FAM78B: variants seen among roughly 807,000 people sequenced by gnomAD.
FAM78B encodes protein FAM78B.
In FAM78B, 10 loss-of-function variants were observed where a neutral mutation model predicts 20.0. The observed-to-expected ratio is 0.50, with a 90% CI of 0.31 to 0.85. The LOEUF is 0.85. FAM78B is among the 40% of genes least tolerant of loss of function. The pLI, the probability that FAM78B is intolerant of heterozygous loss-of-function variation, is 0.05. For synonymous variants in FAM78B, 135 were observed against 132.8 expected (o/e 1.02, Z -0.12); for missense variants, 283 against 345.0 (o/e 0.82, Z 1.42).
At chr1:166,082,465 A>C (rs956121511) in intron 1 of FAM78B, 3 of 152,084 alleles carry the variant, frequency 2.0e-5, no homozygotes, top group Admixed American at 6.5e-5. Context: ...CTCAACCCCC[A>C]CAGAGTGTTG....
intron 1 of FAM78B, among the ~76,000 whole-genome samples, chr1:166,132,863 A>T (rs1246831924): frequency 6.6e-6 from 1 of 152,230 alleles, no homozygotes; most frequent in East Asian, 1.9e-4. Flanking sequence ...TGAGTGTGAC[A>T]AAACTGCTTC....
chr1:166,110,962 C>A (rs1056678883), intron 1 of FAM78B, among the ~76,000 whole-genome samples: 3 of 152,120 alleles, frequency 2.0e-5, no homozygotes, highest in Non-Finnish European at 2.9e-5. Context: ...CCTGAAATGT[C>A]CCTGCTGGGC....
chr1:166,086,553 T>A (rs1420232036), intron 1 of FAM78B, among the ~76,000 whole-genome samples: 3 of 152,126 alleles, frequency 2.0e-5, no homozygotes, highest in Non-Finnish European at 4.4e-5. Flanking sequence ...AGGCTGAGGA[T>A]GGAGTGCTCT....
At chr1:166,121,518 A>G (rs1169084603) in intron 1 of FAM78B, among the ~76,000 whole-genome samples, 1 of 152,192 alleles carries the variant, frequency 6.6e-6, no homozygotes, top group Non-Finnish European at 1.5e-5. Flanking sequence ...GGCCCTTCAG[A>G]GCTCCATACC....
intron 1 of FAM78B, among the ~76,000 whole-genome samples, chr1:166,109,224 C>A (rs1653900926): frequency 6.6e-6 from 1 of 152,118 alleles, no homozygotes; most frequent in Non-Finnish European, 1.5e-5. Context: ...AAACAGACAA[C>A]CCACAGAGTG....
intron 1 of FAM78B, among the ~76,000 whole-genome samples, chr1:166,138,264 T>C (rs538950626): frequency 6.2e-4 from 95 of 152,236 alleles, no homozygotes; most frequent in Admixed American, 1.2e-3. Flanking sequence ...CCAACTCTCC[T>C]GTTCTCTGTC....
chr1:166,065,189 C>T (rs1301153393), downstream of FAM78B, among the ~76,000 whole-genome samples: 1 of 152,164 alleles, frequency 6.6e-6, no homozygotes, highest in Non-Finnish European at 1.5e-5. Flanking sequence ...CTGCATTTAA[C>T]CAGGGAGAGA....
intron 1 of FAM78B, among the ~76,000 whole-genome samples, chr1:166,125,594 C>T (rs977147623): frequency 2.0e-5 from 3 of 152,156 alleles, no homozygotes; most frequent in Non-Finnish European, 4.4e-5. Flanking sequence ...TTGTTCCTCT[C>T]TGTCTGTGGT....
chr1:166,073,477 G>A (rs1480287136), intron 1 of FAM78B, among the ~76,000 whole-genome samples: 1 of 151,276 alleles, frequency 6.6e-6, no homozygotes, highest in Non-Finnish European at 1.5e-5. Flanking sequence ...ACACCCCAAG[G>A]CAGTGACCTT....
At chr1:166,117,066 T>C (rs1264286954) in intron 1 of FAM78B, among the ~76,000 whole-genome samples, 3 of 152,228 alleles carry the variant, frequency 2.0e-5, no homozygotes, top group Non-Finnish European at 2.9e-5. Flanking sequence ...TTGACAACTA[T>C]ATCCTCATAT....
intron 1 of FAM78B, among the ~76,000 whole-genome samples, chr1:166,164,121 T>C (rs1244957642): frequency 6.6e-6 from 1 of 152,260 alleles, no homozygotes; most frequent in Non-Finnish European, 1.5e-5. Flanking sequence ...TCTGTATTTA[T>C]ATATTTGCTT....
intron 1 of FAM78B, among the ~76,000 whole-genome samples, chr1:166,104,288 T>G (rs566225787): frequency 0.014 from 2,156 of 152,168 alleles, 52 homozygotes; most frequent in African/African-American, 0.049. Flanking sequence ...CTTTGAAAAC[T>G]GGCACAAGAC....
intron 1 of FAM78B, among the ~76,000 whole-genome samples, chr1:166,098,988 G>A (rs186970121): frequency 2.4e-4 from 36 of 152,304 alleles, no homozygotes; most frequent in Non-Finnish European, 4.3e-4. Flanking sequence ...CTTAAGAGCT[G>A]TGAGACAGAA....
chr1:166,089,247 G>C (rs1652965428), intron 1 of FAM78B, among the ~76,000 whole-genome samples: 2 of 152,174 alleles, frequency 1.3e-5, no homozygotes, highest in Non-Finnish European at 2.9e-5. Context: ...ATCACCATTT[G>C]TAATTATATA....
chr1:166,084,329 C>G (rs189328356), intron 1 of FAM78B, among the ~76,000 whole-genome samples: 2 of 152,060 alleles, frequency 1.3e-5, no homozygotes, highest in East Asian at 3.9e-4. Context: ...AATATCTGCT[C>G]TGGAAGCTAC....
chr1:166,125,896 A>G (rs1654625106), intron 1 of FAM78B, among the ~76,000 whole-genome samples: 1 of 141,406 alleles, frequency 7.1e-6, no homozygotes, highest in South Asian at 2.2e-4. Context: ...CAGTGGCGCG[A>G]TCTCAGCTCA....
rs1291018569 is a variant in FAM78B at position 166,166,139 on chromosome 1, G to C, written c.110C>G (p.Thr37Ser). ...IDQCPTRIEE[T>S]SPIVLRYKTP... ...CTTGTAGCGCAGGACGATGGGCGAG[G>C]TCTCCTCGATGCGCGTGGGGCACTG... Residue 37 changes from threonine to serine, a missense_variant, in exon 1 of 2, where the codon ACC (threonine) becomes AGC (serine). By Grantham distance (58) the Thr-to-Ser change is moderately conservative. Transcript: ENST00000354422. The C allele has an allele frequency of 1.2e-6, 2 of 1,608,692 alleles. No homozygotes were observed. The highest frequency in any genetic ancestry group is 2.2e-5 in the East Asian group (1 of 44,582).
chr1:166,146,765 T>C (rs1274873814), intron 1 of FAM78B, among the ~76,000 whole-genome samples: 2 of 152,332 alleles, frequency 1.3e-5, no homozygotes, highest in East Asian at 3.9e-4. Context: ...AACATCTCAG[T>C]CAACCTTTCA....
intron 1 of FAM78B, among the ~76,000 whole-genome samples, chr1:166,091,379 C>T (rs548519203): frequency 9.9e-5 from 15 of 152,230 alleles, no homozygotes; most frequent in African/African-American, 2.6e-4. Context: ...CTTTCTCTTG[C>T]TGTTCTCATG....
Sources: allele counts gnomAD v4.1 joint callset (sites outside exome capture counted in the v4.1 genomes callset), GRCh38; gene constraint gnomAD v4.1.1; transcripts MANE v1.5; gene names NCBI Gene and HGNC (gene_info 2026-07-23, HGNC 2026-07-21).